The following PTTG1IP variants were observed in gnomAD, a reference collection of about 807,000 sequenced individuals.
PTTG1IP encodes PTTG1 interacting protein, also known as pituitary tumor-transforming gene 1 protein-interacting protein.
Under a neutral mutation model 24.4 loss-of-function variants are expected in PTTG1IP, and 16 were observed. The observed-to-expected ratio is 0.66, with a 90% CI of 0.44 to 1.00. The LOEUF (loss-of-function observed/expected upper bound fraction) is 1.00. Among genes scored for constraint, PTTG1IP ranks in the 50% least tolerant of loss-of-function variants. The pLI, the probability that PTTG1IP is intolerant of heterozygous loss-of-function variation, is 0.00. For missense variants in PTTG1IP, 241 were observed against 245.8 expected (o/e 0.98, Z 0.13); for synonymous variants, 89 against 96.8 (o/e 0.92, Z 0.47).
chr21:44,866,333 AAC>A (rs139772400), intron 1 of PTTG1IP, among the ~76,000 whole-genome samples: 4,383 of 54,828 alleles, frequency 0.08, 398 homozygotes, highest in African/African-American at 0.18. Flanking sequence ...CCAATCCCAT[AAC>A]ACACACACAC....
chr21:44,855,266 A>G lies in PTTG1IP; in HGVS notation c.450-10T>C, dbSNP rs774303433. On this transcript the variant is annotated splice_polypyrimidine_tract_variant and intron_variant, in intron 4 of 5. Coordinates refer to ENST00000330938, the MANE Select transcript of PTTG1IP (RefSeq NM_004339.4). ...CTTCATCTCTGCTCTCCTAAAACAC[A>G]GAGGAACATTATGAGCACCAAACGA... 7.5e-6 allele frequency: 12 copies of G among 1,609,472 alleles called. No homozygotes were observed. The highest frequency in any genetic ancestry group is 4.0e-5 in the African/African-American group (3 of 74,784).
In PTTG1IP at chr21:44,873,598, G is replaced by T; in HGVS notation, c.19C>A (p.Arg7Ser). Residue 7 changes from arginine (R) to serine (S), a missense_variant, in exon 1 of 6, where the codon CGC (arginine) becomes AGC (serine). Arg to Ser is a moderately radical substitution (Grantham distance 110). Transcript: ENST00000330938. Reference sequence around the variant, plus strand: ...AACCTCCAGTACGGCGTCGGCCCGCGGGCCACTCCGGGCGCCATGGTCGGC... The same window carrying T: ...AACCTCCAGTACGGCGTCGGCCCGCTGGCCACTCCGGGCGCCATGGTCGGC... MAPGVA[R>S]GPTPYWRLRL... 3 of 1,443,196 alleles carry T rather than the reference G, an allele frequency of 2.1e-6. No individual in the cohort carries two copies. The highest frequency in any genetic ancestry group is 2.7e-6 in the Non-Finnish European group (3 of 1,100,332). 89.4% of individuals were successfully genotyped at this position (1,443,196 alleles called of 1,614,324 possible).
chr21:44,866,490 A>G (rs1321434186), intron 1 of PTTG1IP, among the ~76,000 whole-genome samples: 9 of 93,078 alleles, frequency 9.7e-5, no homozygotes, highest in Non-Finnish European at 1.7e-4. Context: ...ACACACACAC[A>G]CGCAGACTGC....
At chr21:44,856,452 C>T (rs1173829782) in intron 3 of PTTG1IP, 88 bp from the exon 4 acceptor site, 2 of 1,407,514 alleles carry the variant, frequency 1.4e-6, no homozygotes, top group Admixed American at 2.2e-5. Flanking sequence ...GGGGAACAAC[C>T]TCAGGACACA....
At chr21:44,855,308 AACTG>A in intron 4 of PTTG1IP, 52 bp from the exon 5 acceptor site, 1 of 1,552,642 alleles carries the variant, frequency 6.4e-7, no homozygotes, top group Non-Finnish European at 8.9e-7. Flanking sequence ...ACGGTGGTGT[AACTG>A]CTAGACACGC....
At position 44,851,231 on chromosome 21, in the gene PTTG1IP, G is replaced by A. The variant is rs192982698; in HGVS notation, c.*350C>T. On this transcript the variant is annotated 3_prime_UTR_variant, in exon 6 of 6. Transcript: ENST00000330938. ...TTGTTAGTGGACAGAGAGAAACGCA[G>A]GGTTCTGCCCTGGGAGAATGACAGC... The A allele has an allele frequency of 1.8e-6, 2 of 1,114,518 alleles. No individual in the cohort carries two copies. The highest frequency in any genetic ancestry group is 2.9e-5 in the Admixed American group (1 of 34,418). 69.0% of individuals were successfully genotyped at this position (1,114,518 alleles called of 1,614,324 possible).
intron 2 of PTTG1IP, among the ~76,000 whole-genome samples, chr21:44,862,968 A>G (rs1453746172): frequency 2.0e-4 from 31 of 151,750 alleles, no homozygotes; most frequent in Non-Finnish European, 2.8e-4. Flanking sequence ...ACAGGACTGC[A>G]CTGGGAGGAT....
intron 3 of PTTG1IP, among the ~76,000 whole-genome samples, chr21:44,857,734 C>T (rs528831858): frequency 3.3e-5 from 5 of 152,316 alleles, no homozygotes; most frequent in South Asian, 4.1e-4. Flanking sequence ...CTGCCCCGGA[C>T]GCTGAGATCC....
At chr21:44,859,680 C>T (rs1399608895) in intron 3 of PTTG1IP, among the ~76,000 whole-genome samples, 1 of 152,176 alleles carries the variant, frequency 6.6e-6, no homozygotes, top group Non-Finnish European at 1.5e-5. Flanking sequence ...TTCACAAACA[C>T]ACATGCATCA....
At chr21:44,853,217 C>T (rs1364296143) in intron 5 of PTTG1IP, among the ~76,000 whole-genome samples, 1 of 152,176 alleles carries the variant, frequency 6.6e-6, no homozygotes, top group Non-Finnish European at 1.5e-5. Context: ...TTTACATTAA[C>T]ATTAGTCTGG....
chr21:44,865,350 G>A, intron 2 of PTTG1IP, 45 bp downstream of exon 2: 5 of 1,590,654 alleles, frequency 3.1e-6, no homozygotes, highest in Non-Finnish European at 3.5e-6. Context: ...TGTGCCTTTG[G>A]ACGGTCTGGA....
intron 1 of PTTG1IP, 199 bp from the exon 2 acceptor site, chr21:44,865,646 C>T (rs235282): frequency 0.65 from 409,298 of 627,326 alleles, 134,968 homozygotes; most frequent in East Asian, 0.8. Context: ...TGTTCAGGAA[C>T]CCCGCTGCAG....
chr21:44,862,131 T>TAC (rs2083496845), intron 2 of PTTG1IP, among the ~76,000 whole-genome samples: 1 of 152,166 alleles, frequency 6.6e-6, no homozygotes, highest in Non-Finnish European at 1.5e-5. Flanking sequence ...GCCACAGCAG[T>TAC]ACACAACGAG....
At chr21:44,859,929 TCAAAACA>T (rs1369388531) in intron 3 of PTTG1IP, among the ~76,000 whole-genome samples, 23 of 152,302 alleles carry the variant, frequency 1.5e-4, no homozygotes, top group Admixed American at 4.6e-4. Context: ...AAAAGAATCA[TCAAAACA>T]CCTTAAGAAA....
In PTTG1IP at chr21:44,851,401, C is replaced by T. The variant is rs751067345; in HGVS notation, c.*180G>A. ...GAGATGAACAGGGAATAGAAGGTCACCAGTCTGCAAGACGAGAGGACTGTC... is the reference window on the plus strand; with the variant it reads ...GAGATGAACAGGGAATAGAAGGTCATCAGTCTGCAAGACGAGAGGACTGTC... On this transcript the variant is annotated 3_prime_UTR_variant, in exon 6 of 6. Coordinates refer to ENST00000330938, the MANE Select transcript of PTTG1IP (RefSeq NM_004339.4). 11 of 1,559,698 alleles carry T rather than the reference C, an allele frequency of 7.1e-6. No individual in the cohort carries two copies. The highest frequency in any genetic ancestry group is 1.9e-5 in the Admixed American group (1 of 53,356).
chr21:44,870,339 G>A (rs1376377322), intron 1 of PTTG1IP, among the ~76,000 whole-genome samples: 2 of 152,058 alleles, frequency 1.3e-5, no homozygotes, highest in Non-Finnish European at 2.9e-5. Context: ...TCAGGAGTTC[G>A]AGACCGGCCT....
rs1191344349 is a variant in PTTG1IP, at chr21:44,861,194, T to C, written c.246A>G (p.Lys82=). Residue 82 remains lysine, a synonymous_variant, in exon 3 of 6, where the codon AAA becomes AAG. Coordinates refer to ENST00000330938, the MANE Select transcript of PTTG1IP (RefSeq NM_004339.4). ...TSVLPPASLC[K]LSSARWGVCW... ...AAACTCCCCAGCGTGCAGAGCTCAA[T>C]TTACAAAGGGAAGCCGGTGGCAAGA... The C allele has an allele frequency of 5.0e-6, 8 of 1,614,064 alleles. No homozygotes were observed. Among genetic ancestry groups the C allele is most frequent in the South Asian group, 1.1e-5 (1 of 91,084 alleles).
chr21:44,858,413 G>A (rs2083464743), intron 3 of PTTG1IP, among the ~76,000 whole-genome samples: 1 of 152,192 alleles, frequency 6.6e-6, no homozygotes, highest in African/African-American at 2.4e-5. Flanking sequence ...CTGCTCCCGT[G>A]GGCAAGGCTG....
intron 1 of PTTG1IP, 68 bp from the exon 2 acceptor site, chr21:44,865,515 G>A (rs1363886662): frequency 6.6e-7 from 1 of 1,517,178 alleles, no homozygotes; most frequent in African/African-American, 1.4e-5. Flanking sequence ...AGTCCAGCAG[G>A]GCAGGGTGGG....
Sources: gnomAD v4.1 joint callset for allele counts (sites outside exome capture counted in the v4.1 genomes callset) on GRCh38, gnomAD v4.1.1 for gene constraint, MANE v1.5 for transcripts, NCBI Gene and HGNC (gene_info 2026-07-23, HGNC 2026-07-21) for gene names.